CFAP299: variants seen among roughly 807,000 people sequenced by gnomAD.
CFAP299 encodes cilia- and flagella-associated protein 299.
CFAP299 carries 21 observed loss-of-function variants against 27.0 expected under a neutral mutation model. The observed-to-expected ratio is 0.78, with a 90% CI of 0.55 to 1.12. The LOEUF (loss-of-function observed/expected upper bound fraction) is 1.12. CFAP299 is among the 50% of genes most tolerant of loss of function. The pLI is 0.00. For missense variants in CFAP299, 310 were observed against 276.6 expected, an observed-to-expected ratio of 1.12 and a Z score of -0.86; for synonymous variants, 104 against 98.1, an observed-to-expected ratio of 1.06 and a Z score of -0.36.
intron 2 of CFAP299, among the ~76,000 whole-genome samples, chr4:80,438,157 G>A (rs1344697083): frequency 1.3e-5 from 2 of 152,154 alleles, no homozygotes; most frequent in Non-Finnish European, 1.5e-5. Flanking sequence ...ATTAATGCAA[G>A]GAAACAGAAT....
chr4:80,599,528 G>A (rs770639747), intron 3 of CFAP299, among the ~76,000 whole-genome samples: 2 of 151,946 alleles, frequency 1.3e-5, no homozygotes, highest in East Asian at 1.9e-4. Flanking sequence ...TGACCCAGTC[G>A]GTCTAGAAAA....
intron 4 of CFAP299, among the ~76,000 whole-genome samples, chr4:80,936,858 A>G (rs1298397318): frequency 6.6e-6 from 1 of 152,206 alleles, no homozygotes; most frequent in Non-Finnish European, 1.5e-5. Flanking sequence ...GACCTAAGAT[A>G]TGATCTATTC....
At chr4:80,586,732 T>C (rs2109877933) in intron 3 of CFAP299, among the ~76,000 whole-genome samples, 1 of 152,198 alleles carries the variant, frequency 6.6e-6, no homozygotes, top group African/African-American at 2.4e-5. Flanking sequence ...ATTTGTTGAG[T>C]GAAAAAAAAT....
intron 3 of CFAP299, among the ~76,000 whole-genome samples, chr4:80,810,601 A>G (rs893197296): frequency 4.6e-5 from 7 of 152,024 alleles, no homozygotes; most frequent in Non-Finnish European, 8.8e-5. Flanking sequence ...AAACCAAGGA[A>G]CACCAAGAAT....
intron 2 of CFAP299, among the ~76,000 whole-genome samples, chr4:80,555,637 T>A (rs149074895): frequency 1.1e-4 from 16 of 152,246 alleles, no homozygotes; most frequent in Non-Finnish European, 1.9e-4. Flanking sequence ...TGGGCTTTTT[T>A]TGGTTGATAG....
intron 2 of CFAP299, among the ~76,000 whole-genome samples, chr4:80,366,856 T>C (rs1336347503): frequency 6.6e-6 from 1 of 152,048 alleles, no homozygotes; most frequent in Non-Finnish European, 1.5e-5. Context: ...CTAAGTGTAA[T>C]AAAATACTAT....
At chr4:80,481,506 A>G (rs938039768) in intron 2 of CFAP299, among the ~76,000 whole-genome samples, 1 of 152,082 alleles carries the variant, frequency 6.6e-6, no homozygotes, top group African/African-American at 2.4e-5. Context: ...TTTTTAAATC[A>G]CATATGAACT....
At chr4:80,497,944 A>G (rs1199323232) in intron 2 of CFAP299, among the ~76,000 whole-genome samples, 2 of 152,192 alleles carry the variant, frequency 1.3e-5, no homozygotes, top group Non-Finnish European at 2.9e-5. Flanking sequence ...GAGATCCCAG[A>G]TACAAAGCCA....
chr4:80,730,677 C>A (rs1373293444), intron 3 of CFAP299, among the ~76,000 whole-genome samples: 4 of 152,060 alleles, frequency 2.6e-5, no homozygotes, highest in African/African-American at 4.8e-5. Flanking sequence ...CAAAGGTAAC[C>A]TAGGTAGGGT....
At chr4:80,662,196 G>A (rs1200782766) in intron 3 of CFAP299, among the ~76,000 whole-genome samples, 7 of 151,876 alleles carry the variant, frequency 4.6e-5, no homozygotes, top group East Asian at 1.9e-4. Context: ...CACCCTATTC[G>A]TACACTCCTT....
intron 3 of CFAP299, among the ~76,000 whole-genome samples, chr4:80,718,620 A>G (rs1324629323): frequency 6.6e-6 from 1 of 152,126 alleles, no homozygotes; most frequent in Non-Finnish European, 1.5e-5. Context: ...ACATTAGGTC[A>G]CAAATAAAGC....
At chr4:80,951,006 A>T (rs1342640063) in intron 5 of CFAP299, among the ~76,000 whole-genome samples, 1 of 152,194 alleles carries the variant, frequency 6.6e-6, no homozygotes, top group African/African-American at 2.4e-5. Context: ...TAAGTATGAA[A>T]ATACATAATC....
At chr4:80,492,085 A>G (rs1243282634) in intron 2 of CFAP299, among the ~76,000 whole-genome samples, 1 of 152,188 alleles carries the variant, frequency 6.6e-6, no homozygotes, top group Non-Finnish European at 1.5e-5. Flanking sequence ...AGACAAACTC[A>G]ACCAATTGTC....
chr4:80,762,138 AAT>A (rs55693046), intron 3 of CFAP299, among the ~76,000 whole-genome samples: 43 of 151,050 alleles, frequency 2.8e-4, no homozygotes, highest in African/African-American at 7.3e-4. Flanking sequence ...ATAAATGAGA[AAT>A]ATATATATAT....
rs1024584526 is a variant in CFAP299, at chr4:80,686,196, G to A, written c.333+103013G>A. ...AACTCCTTAGATTGTTACCCTAATA[G>A]TGAAATAAACATTGCATAACCTTCT... On this transcript the variant is annotated intron_variant, in intron 3 of 5. Transcript: ENST00000358105. 2.6e-5 allele frequency among the ~76,000 whole-genome samples: 4 copies of A among 152,230 alleles called. No homozygotes were observed. The East Asian group carries it at 7.7e-4, about 29-fold the overall frequency.
At chr4:80,940,794 A>G (rs1417666734) in intron 4 of CFAP299, among the ~76,000 whole-genome samples, 1 of 152,188 alleles carries the variant, frequency 6.6e-6, no homozygotes, top group Non-Finnish European at 1.5e-5. Flanking sequence ...GTAAATATAT[A>G]TACAAATTAC....
intron 3 of CFAP299, among the ~76,000 whole-genome samples, chr4:80,818,003 C>G (rs1729512408): frequency 6.6e-6 from 1 of 152,198 alleles, no homozygotes; most frequent in Non-Finnish European, 1.5e-5. Context: ...TCCCCAACCC[C>G]CTGCCTCCGA....
intron 2 of CFAP299, among the ~76,000 whole-genome samples, chr4:80,369,268 G>A (rs1400073321): frequency 1.3e-5 from 2 of 152,178 alleles, no homozygotes; most frequent in African/African-American, 4.8e-5. Flanking sequence ...TCTACTTCAT[G>A]CGCACATGGA....
At chr4:80,872,893 TATC>T (rs951891836) in intron 4 of CFAP299, 66 of 965,174 alleles carry the variant, frequency 6.8e-5, no homozygotes, top group Admixed American at 1.2e-4. Context: ...TATTTCAAAA[TATC>T]ATCTCTCTGT....
Sources: allele counts gnomAD v4.1 joint callset (sites outside exome capture counted in the v4.1 genomes callset), GRCh38; gene constraint gnomAD v4.1.1; transcripts MANE v1.5; gene names NCBI Gene and HGNC (gene_info 2026-07-23, HGNC 2026-07-21).